CTNNA2: variants seen among roughly 807,000 people sequenced by gnomAD.
CTNNA2 encodes catenin alpha-2.
Under a neutral mutation model 101.0 loss-of-function variants are expected in CTNNA2, and 42 were observed. That is an observed-to-expected ratio of 0.42 (90% CI 0.32 to 0.54). The LOEUF is 0.54. Among genes scored for constraint, CTNNA2 ranks in the 20% least tolerant of loss-of-function variants. The probability of loss-of-function intolerance (pLI) is 0.14; values close to 1 mark genes in which losing one functional copy is unlikely to be tolerated. For synonymous variants in CTNNA2, 450 were observed against 456.4 expected, an observed-to-expected ratio of 0.99 and a Z score of 0.18; for missense variants, 871 against 1,223.1, an observed-to-expected ratio of 0.71 and a Z score of 4.29.
At chr2:80,310,950 G>A (rs1471539871) in intron 7 of CTNNA2, among the ~76,000 whole-genome samples, 1 of 146,266 alleles carries the variant, frequency 6.8e-6, no homozygotes, top group East Asian at 2.0e-4. Context: ...TCCAGCCTGG[G>A]TGACAGTGCG....
intron 12 of CTNNA2, among the ~76,000 whole-genome samples, chr2:80,569,832 C>T (rs760734692): frequency 3.0e-4 from 46 of 150,828 alleles, no homozygotes; most frequent in Admixed American, 1.7e-3. Context: ...TTAGTAGAGA[C>T]GGGGTTTCAC....
chr2:79,666,848 A>C (rs1393507515), intron 2 of CTNNA2, among the ~76,000 whole-genome samples: 1 of 152,218 alleles, frequency 6.6e-6, no homozygotes, highest in East Asian at 1.9e-4. Flanking sequence ...ATCTGAGCAG[A>C]GTACATCTCC....
chr2:80,162,897 T>C, intron 7 of CTNNA2: 1 of 1,575,272 alleles, frequency 6.3e-7, no homozygotes, highest in Non-Finnish European at 8.7e-7. Flanking sequence ...AGTCCTTTCG[T>C]ACCTGCTAGG....
chr2:79,443,565 C>T (rs1375693868), intron 4 of CTNNA2, among the ~76,000 whole-genome samples: 2 of 151,998 alleles, frequency 1.3e-5, no homozygotes, highest in African/African-American at 4.8e-5. Flanking sequence ...CATCCCTTAG[C>T]CCAGTCAAGT....
Position 79,207,359 on chromosome 2 carries a change from A to C in CTNNA2, c.-406+9283A>C, listed in dbSNP as rs189423481. The stretch of plus-strand genomic sequence containing the variant: ...AGGAGACCACCACCTCTTTAACCTA[A>C]AGCTACCCCTTAAGGTAAAGGAGAA... On this transcript the variant is annotated intron_variant, in intron 2 of 21. Coordinates refer to the CTNNA2 transcript ENST00000466387. 3.4e-3 allele frequency among the ~76,000 whole-genome samples: 522 copies of C among 152,244 alleles called. 12 individuals carry two copies. Among genetic ancestry groups the C allele is most frequent in the Admixed American group, 0.027 (417 of 15,284 alleles).
At chr2:79,618,770 G>C (rs867194987) in intron 1 of CTNNA2, among the ~76,000 whole-genome samples, 91 of 152,326 alleles carry the variant, frequency 6.0e-4, no homozygotes, top group African/African-American at 2.0e-3. Context: ...TTAAGTTGTT[G>C]AGAGAAAATG....
chr2:79,532,409 A>G (rs191729026), intron 1 of CTNNA2, among the ~76,000 whole-genome samples: 1 of 152,146 alleles, frequency 6.6e-6, no homozygotes. Context: ...AATTTATATT[A>G]TAATTGTGCT....
intron 9 of CTNNA2, among the ~76,000 whole-genome samples, chr2:80,487,506 T>C (rs1686688240): frequency 6.6e-6 from 1 of 151,916 alleles, no homozygotes; most frequent in African/African-American, 2.4e-5. Context: ...CAAGAAGAAG[T>C]GCCAAGCAAA....
At chr2:79,904,135 A>G (rs76694310) in intron 6 of CTNNA2, among the ~76,000 whole-genome samples, 16,222 of 152,158 alleles carry the variant, frequency 0.11, 967 homozygotes, top group Non-Finnish European at 0.13. Flanking sequence ...CAGCTGAGGG[A>G]TAAACTCTTC....
At chr2:80,032,734 C>G (rs1440235832) in intron 7 of CTNNA2, among the ~76,000 whole-genome samples, 1 of 152,126 alleles carries the variant, frequency 6.6e-6, no homozygotes, top group Non-Finnish European at 1.5e-5. Flanking sequence ...TTTAAAATAG[C>G]AGTCCACAGA....
intron 3 of CTNNA2, among the ~76,000 whole-genome samples, chr2:79,830,370 A>G (rs1411467158): frequency 6.6e-6 from 1 of 152,188 alleles, no homozygotes; most frequent in Non-Finnish European, 1.5e-5. Context: ...TGGGCCACGC[A>G]TGGCAGCATC....
At chr2:80,606,118 C>T (rs1697980598) in intron 16 of CTNNA2, among the ~76,000 whole-genome samples, 1 of 151,612 alleles carries the variant, frequency 6.6e-6, no homozygotes, top group Non-Finnish European at 1.5e-5. Flanking sequence ...TGTAGAGTGA[C>T]CAGAAATTGG....
intron 7 of CTNNA2, among the ~76,000 whole-genome samples, chr2:80,135,537 T>A (rs1401773162): frequency 6.6e-6 from 1 of 152,168 alleles, no homozygotes; most frequent in Non-Finnish European, 1.5e-5. Context: ...TTCTGCCCTC[T>A]CAGGGTGCAG....
intron 1 of CTNNA2, among the ~76,000 whole-genome samples, chr2:79,615,128 A>G (rs960108062): frequency 2.6e-5 from 4 of 152,208 alleles, no homozygotes; most frequent in African/African-American, 9.6e-5. Flanking sequence ...ATGTCTATAT[A>G]TAGCCCTCTT....
Position 79,421,476 on chromosome 2 carries a change from C to A in CTNNA2, c.-135+47463C>A, listed in dbSNP as rs141158614. On this transcript the variant is annotated intron_variant, in intron 4 of 21. Coordinates refer to the CTNNA2 transcript ENST00000466387. ...TACTGGACCTCCAGGTGTAATAGAGCTAATGAACTGTTTGGACAAGTTAAA... is the reference window on the plus strand; with the variant it reads ...TACTGGACCTCCAGGTGTAATAGAGATAATGAACTGTTTGGACAAGTTAAA... Among the ~76,000 whole-genome samples the A allele has an allele frequency of 3.8e-3, 581 of 152,200 alleles. 3 individuals carry two copies. Among genetic ancestry groups the A allele is most frequent in the African/African-American group, 0.013 (552 of 41,546 alleles).
chr2:79,842,689 C>T (rs925693560), intron 3 of CTNNA2, among the ~76,000 whole-genome samples: 21 of 151,530 alleles, frequency 1.4e-4, no homozygotes, highest in Admixed American at 2.6e-4. Flanking sequence ...TAAATTTAGC[C>T]GTAGTTTTGG....
At chr2:79,884,022 A>G (rs1356486075) in intron 6 of CTNNA2, among the ~76,000 whole-genome samples, 1 of 152,188 alleles carries the variant, frequency 6.6e-6, no homozygotes, top group Admixed American at 6.5e-5. Flanking sequence ...ATTACAAGCT[A>G]TTGCTGTAAC....
chr2:80,373,936 C>G (rs1675686280), intron 7 of CTNNA2, among the ~76,000 whole-genome samples: 1 of 152,158 alleles, frequency 6.6e-6, no homozygotes, highest in Non-Finnish European at 1.5e-5. Context: ...CTCTCTAGAA[C>G]TCCTTGTAGC....
intron 7 of CTNNA2, among the ~76,000 whole-genome samples, chr2:79,924,632 T>A (rs1442834441): frequency 1.3e-5 from 2 of 152,074 alleles, no homozygotes; most frequent in African/African-American, 2.4e-5. Flanking sequence ...ATAGGGATGG[T>A]TGTTTTGTAC....
Sources: gnomAD v4.1 joint callset for allele counts (sites outside exome capture counted in the v4.1 genomes callset) on GRCh38, gnomAD v4.1.1 for gene constraint, MANE v1.5 for transcripts, NCBI Gene and HGNC (gene_info 2026-07-23, HGNC 2026-07-21) for gene names.